NRXN1: variants seen among roughly 807,000 people sequenced by gnomAD.
The protein encoded by NRXN1 is neurexin 1.
In NRXN1, 39 loss-of-function variants were observed where a neutral mutation model predicts 150.9. The observed-to-expected ratio is 0.26, with a 90% CI of 0.20 to 0.34. The LOEUF (loss-of-function observed/expected upper bound fraction) is 0.34. NRXN1 is among the 10% of genes least tolerant of loss of function. The pLI, the probability that NRXN1 is intolerant of heterozygous loss-of-function variation, is 1.00. For missense variants in NRXN1, 1,815 were observed against 1,949.9 expected, an observed-to-expected ratio of 0.93 and a Z score of 1.30; for synonymous variants, 924 against 757.0, an observed-to-expected ratio of 1.22 and a Z score of -3.62.
At chr2:50,459,393 C>A (rs2087926793) in intron 17 of NRXN1, among the ~76,000 whole-genome samples, 1 of 152,040 alleles carries the variant, frequency 6.6e-6, no homozygotes, top group South Asian at 2.1e-4. Flanking sequence ...GTTTGTTGTA[C>A]AGATCACTTC....
chr2:50,457,144 G>A (rs1017131640), intron 17 of NRXN1, among the ~76,000 whole-genome samples: 10 of 152,010 alleles, frequency 6.6e-5, no homozygotes, highest in African/African-American at 2.4e-4. Context: ...TAACAGAGCT[G>A]GAAGTTAATG....
chr2:50,409,234 A>T (rs1449277289), intron 17 of NRXN1, among the ~76,000 whole-genome samples: 2 of 152,240 alleles, frequency 1.3e-5, no homozygotes, highest in African/African-American at 4.8e-5. Context: ...CCTCCTTAGG[A>T]GACAAGGAAC....
intron 21 of NRXN1, among the ~76,000 whole-genome samples, chr2:50,005,000 A>C (rs969448189): frequency 1.3e-5 from 2 of 152,142 alleles, no homozygotes; most frequent in Non-Finnish European, 2.9e-5. Flanking sequence ...ACAGTTTAGA[A>C]AACAGTGGGA....
At chr2:50,547,120 A>G (rs1208662267) in intron 9 of NRXN1, among the ~76,000 whole-genome samples, 1 of 152,162 alleles carries the variant, frequency 6.6e-6, no homozygotes, top group Admixed American at 6.5e-5. Context: ...TGTAATATCT[A>G]GTTCTTAAAC....
intron 17 of NRXN1, among the ~76,000 whole-genome samples, chr2:50,325,995 A>G (rs1400163368): frequency 2.6e-5 from 4 of 152,206 alleles, no homozygotes; most frequent in Non-Finnish European, 5.9e-5. Context: ...GAAAGTTTCT[A>G]AGTATGATCT....
chr2:50,976,742 C>T (rs1695906607), intron 2 of NRXN1, among the ~76,000 whole-genome samples: 1 of 151,816 alleles, frequency 6.6e-6, no homozygotes, highest in African/African-American at 2.4e-5. Context: ...CAGAAGTACT[C>T]GGGAACTGTA....
intron 17 of NRXN1, among the ~76,000 whole-genome samples, chr2:50,265,434 G>T (rs2068732833): frequency 1.3e-5 from 2 of 152,254 alleles, no homozygotes; most frequent in South Asian, 4.1e-4. Context: ...TTATCATAAA[G>T]AGGGGAGAGT....
intron 2 of NRXN1, among the ~76,000 whole-genome samples, chr2:50,988,992 T>C (rs866888975): frequency 6.6e-6 from 1 of 151,708 alleles, no homozygotes; most frequent in African/African-American, 2.4e-5. Context: ...TCCCACTTTT[T>C]CCCCCCATAT....
chr2:50,347,563 C>G lies in NRXN1; in HGVS notation c.3365-110593G>C. 1 of 1,018,836 alleles carries G rather than the reference C, an allele frequency of 9.8e-7. No homozygotes were observed. Among genetic ancestry groups the G allele is most frequent in the Non-Finnish European group, 1.2e-6 (1 of 849,984 alleles). 63.1% of individuals were successfully genotyped at this position (1,018,836 alleles called of 1,614,324 possible). A position where few individuals can be genotyped will look rare whatever the true frequency, so the allele number is the denominator to read the frequency against. On this transcript the variant is annotated intron_variant, in intron 17 of 22. Coordinates refer to ENST00000401669, the MANE Select transcript of NRXN1 (RefSeq NM_001330078.2). The surrounding 1 kb of genome is among the most constrained non-coding windows in gnomAD (Gnocchi z 4.9). ...CCCCGGGCAGCGCGCGGAGCAGCGG[C>G]GCGCATCGCCTGCTCCCGAGGCAAT...
At chr2:50,197,911 A>C (rs2061882478) in intron 18 of NRXN1, among the ~76,000 whole-genome samples, 1 of 152,160 alleles carries the variant, frequency 6.6e-6, no homozygotes, top group South Asian at 2.1e-4. Flanking sequence ...ATACTTCCAC[A>C]TGTATTTGCC....
intron 17 of NRXN1, among the ~76,000 whole-genome samples, chr2:50,387,788 C>T (rs1208927033): frequency 1.3e-5 from 2 of 152,096 alleles, no homozygotes; most frequent in South Asian, 2.1e-4. Flanking sequence ...TTTAAACACT[C>T]GATTACTTTT....
chr2:50,153,619 T>C (rs895832429), intron 18 of NRXN1, among the ~76,000 whole-genome samples: 5 of 151,772 alleles, frequency 3.3e-5, no homozygotes, highest in Non-Finnish European at 5.9e-5. Flanking sequence ...TCCCTGAGTA[T>C]GCACACCGAC....
intron 17 of NRXN1, among the ~76,000 whole-genome samples, chr2:50,336,105 G>A (rs2077176504): frequency 6.6e-6 from 1 of 152,202 alleles, no homozygotes. Flanking sequence ...TAGACGCAAT[G>A]AGAATTATAA....
At chr2:49,957,292 T>C (rs1268385049) in intron 21 of NRXN1, among the ~76,000 whole-genome samples, 1 of 152,162 alleles carries the variant, frequency 6.6e-6, no homozygotes, top group Non-Finnish European at 1.5e-5. Flanking sequence ...TATTAAATTA[T>C]CTAGACCTAG....
chr2:50,283,811 T>C (rs2071770030), intron 17 of NRXN1, among the ~76,000 whole-genome samples: 1 of 152,142 alleles, frequency 6.6e-6, no homozygotes, highest in Non-Finnish European at 1.5e-5. Flanking sequence ...CTGTAGCCCC[T>C]ATTAAAAGTC....
intron 5 of NRXN1, among the ~76,000 whole-genome samples, chr2:50,719,929 A>T (rs1286426340): frequency 6.6e-6 from 1 of 152,138 alleles, no homozygotes. Flanking sequence ...GCTTGGAGCA[A>T]CAGAAAAGGT....
intron 17 of NRXN1, among the ~76,000 whole-genome samples, chr2:50,457,057 T>C (rs1010904690): frequency 4.6e-5 from 7 of 152,154 alleles, no homozygotes; most frequent in African/African-American, 1.7e-4. Context: ...ATTATTATTT[T>C]TGAGAAACTC....
At chr2:50,562,112 C>G (rs1264356864) in intron 8 of NRXN1, among the ~76,000 whole-genome samples, 1 of 152,104 alleles carries the variant, frequency 6.6e-6, no homozygotes, top group Non-Finnish European at 1.5e-5. Context: ...TATCTTTGAA[C>G]TGATAATAAC....
chr2:50,522,304 C>T (rs992056208), intron 12 of NRXN1, among the ~76,000 whole-genome samples: 1 of 152,106 alleles, frequency 6.6e-6, no homozygotes, highest in Non-Finnish European at 1.5e-5. Context: ...TTTTATAATA[C>T]TTTTTACCTA....
Sources: gnomAD v4.1 joint callset for allele counts (sites outside exome capture counted in the v4.1 genomes callset) on GRCh38, gnomAD v4.1.1 for gene constraint, Gnocchi (gnomAD v3.1) non-coding constraint, MANE v1.5 for transcripts, NCBI Gene and HGNC (gene_info 2026-07-23, HGNC 2026-07-21) for gene names.